Variants in UXS1 observed in about 807,000 individuals in gnomAD.
UXS1 encodes UDP-glucuronate decarboxylase 1.
In UXS1, 33 loss-of-function variants were observed where a neutral mutation model predicts 62.6. The ratio of observed to expected loss-of-function variants is 0.53; its 90% confidence interval spans 0.40 to 0.70. The LOEUF is 0.70. Ranked by LOEUF, UXS1 falls within the 30% of genes least tolerant of loss-of-function variation. The pLI is 0.00. For synonymous variants in UXS1, 213 were observed against 206.8 expected, an observed-to-expected ratio of 1.03 and a Z score of -0.26; for missense variants, 434 against 556.3, an observed-to-expected ratio of 0.78 and a Z score of 2.21.
At chr2:106,106,222 G>A (rs1245532090) in intron 10 of UXS1, among the ~76,000 whole-genome samples, 2 of 152,074 alleles carry the variant, frequency 1.3e-5, no homozygotes, top group Non-Finnish European at 2.9e-5. Context: ...AAATTAGCTG[G>A]GTGTGGTGGT....
chr2:106,164,579 G>T (rs540428898), intron 3 of UXS1, among the ~76,000 whole-genome samples, 157 bp downstream of exon 3: 15 of 152,286 alleles, frequency 9.8e-5, no homozygotes, highest in African/African-American at 3.4e-4. Flanking sequence ...GTAACAGACT[G>T]CATGTCCTCT....
chr2:106,147,567 A>G (rs1681673331), intron 5 of UXS1, among the ~76,000 whole-genome samples: 1 of 152,118 alleles, frequency 6.6e-6, no homozygotes, highest in African/African-American at 2.4e-5. Flanking sequence ...TGTGTGACAG[A>G]GAGAGACCCT....
chr2:106,099,545 C>T (rs1191106205), intron 12 of UXS1, among the ~76,000 whole-genome samples: 3 of 152,236 alleles, frequency 2.0e-5, no homozygotes, highest in East Asian at 1.9e-4. Context: ...AGTGGAGTGA[C>T]GGAAATTTGC....
intron 1 of UXS1, among the ~76,000 whole-genome samples, chr2:106,166,744 C>T (rs1217110322): frequency 6.9e-6 from 1 of 144,202 alleles, no homozygotes; most frequent in Non-Finnish European, 1.5e-5. Flanking sequence ...CCTTTATTAC[C>T]CAGTCTGGTC....
Position 106,096,720 on chromosome 2 carries a change from CG to C in UXS1, c.1143del (p.Val382TrpfsTer8), listed in dbSNP as rs770954585. On this transcript the variant is annotated frameshift_variant, in exon 14 of 15. Coordinates refer to ENST00000283148, the MANE Select transcript of UXS1 (RefSeq NM_001253875.2). LOFTEE classifies it high-confidence loss of function. ...KKAKLMLGWE[P>X]VVPLEEGLNK... The stretch of plus-strand genomic sequence containing the variant: ...CAGCATTAACTCCCTGCACTTACCA[CG>C]GGCTCCCACCCCAGCATCAGCTTTG... 1.3e-6 allele frequency: 2 copies of C among 1,566,878 alleles called. No individual in the cohort carries two copies. The highest frequency in any genetic ancestry group is 3.7e-5 in the Admixed American group (2 of 53,466).
In UXS1 at chr2:106,104,840, G is replaced by A. The variant is rs765869092; in HGVS notation, c.880-3C>T. Reference sequence around the variant, plus strand: ...GTCTGAGACCCGGATCCGTATACCTGGAAGGAAACCAACAGTTAGGCCTCC... The same window carrying A: ...GTCTGAGACCCGGATCCGTATACCTAGAAGGAAACCAACAGTTAGGCCTCC... On this transcript the variant is annotated splice_polypyrimidine_tract_variant and splice_region_variant and intron_variant, in intron 10 of 14. Transcript: ENST00000283148. 1 of 1,613,932 alleles carries A rather than the reference G, an allele frequency of 6.2e-7. No homozygotes were observed. Among genetic ancestry groups the A allele is most frequent in the East Asian group, 2.2e-5 (1 of 44,878 alleles).
At chr2:106,102,534 G>A (rs1677679058) in intron 11 of UXS1, 1 of 152,134 alleles carries the variant, frequency 6.6e-6, no homozygotes, top group Non-Finnish European at 1.5e-5. Flanking sequence ...TTGACAAAGT[G>A]ACTTTTAAAA....
intron 6 of UXS1, among the ~76,000 whole-genome samples, chr2:106,130,137 T>G (rs992305477): frequency 3.9e-5 from 6 of 152,166 alleles, no homozygotes; most frequent in Non-Finnish European, 7.4e-5. Context: ...ATTTTTTTTT[T>G]TTTTAGTTTG....
intron 14 of UXS1, among the ~76,000 whole-genome samples, chr2:106,096,194 G>A (rs935775361): frequency 5.3e-5 from 8 of 152,138 alleles, no homozygotes; most frequent in African/African-American, 1.7e-4. Context: ...GTGTGTGTGT[G>A]TGTGTGTGTG....
At chr2:106,147,423 C>T (rs1001270327) in intron 5 of UXS1, among the ~76,000 whole-genome samples, 4 of 152,194 alleles carry the variant, frequency 2.6e-5, no homozygotes, top group Non-Finnish European at 4.4e-5. Flanking sequence ...CTTGTCATAA[C>T]TTAGATTCCT....
rs546764865 is a variant in UXS1 at position 106,166,283 on chromosome 2, T to G, written c.95-200A>C. 1.6e-4 allele frequency: 85 copies of G among 538,138 alleles called. 2 individuals are homozygous for G. In the East Asian group the frequency reaches 2.7e-3, roughly 17 times the overall value. The allele number at this position is 538,138 out of a possible 1,614,324, so 33.3% of individuals were successfully genotyped here. On this transcript the variant is annotated intron_variant, in intron 1 of 14. Coordinates refer to ENST00000283148, the MANE Select transcript of UXS1 (RefSeq NM_001253875.2). Reference sequence around the variant, plus strand: ...GTAAAAACAGGATCGTAGAGTTTATTCAGGCCAAGTTTGAGAACTGCAACC... The same window carrying G: ...GTAAAAACAGGATCGTAGAGTTTATGCAGGCCAAGTTTGAGAACTGCAACC...
intron 6 of UXS1, among the ~76,000 whole-genome samples, chr2:106,130,130 T>A (rs995362263): frequency 6.6e-5 from 10 of 152,000 alleles, no homozygotes; most frequent in African/African-American, 2.4e-4. Context: ...ATCATGAATT[T>A]TTTTTTTTTT....
intron 10 of UXS1, 24 bp downstream of exon 10, chr2:106,112,622 C>A (rs1316028438): frequency 5.0e-6 from 8 of 1,612,508 alleles, no homozygotes; most frequent in South Asian, 2.2e-5. Flanking sequence ...GCAAGGTGCT[C>A]CCTGAGCCGA....
At chr2:106,138,076 A>C in intron 6 of UXS1, 1 of 662,114 alleles carries the variant, frequency 1.5e-6, no homozygotes, top group Non-Finnish European at 1.9e-6. Context: ...GCAGGGAAAG[A>C]CAGGAAACTG....
chr2:106,107,058 A>T (rs1230533653), intron 10 of UXS1, among the ~76,000 whole-genome samples: 1 of 152,002 alleles, frequency 6.6e-6, no homozygotes, highest in Non-Finnish European at 1.5e-5. Context: ...TGTAGTGAGT[A>T]TCGGATTTAG....
chr2:106,149,974 A>C (rs1270514266), intron 5 of UXS1, among the ~76,000 whole-genome samples: 1 of 152,226 alleles, frequency 6.6e-6, no homozygotes, highest in Non-Finnish European at 1.5e-5. Flanking sequence ...ATGAGGTCTC[A>C]GATGGAAATG....
Position 106,194,068 on chromosome 2 carries a change from C to T in UXS1, c.94+80G>A, listed in dbSNP as rs916667327. 1.0e-4 allele frequency: 123 copies of T among 1,224,076 alleles called. No homozygotes were observed. In the East Asian group the frequency reaches 1.0e-3, roughly 10 times the overall value. 75.8% of individuals were successfully genotyped at this position (1,224,076 alleles called of 1,614,324 possible). On this transcript the variant is annotated intron_variant, in intron 1 of 14. Coordinates refer to ENST00000283148, the MANE Select transcript of UXS1 (RefSeq NM_001253875.2). ...GCGGGGCTGCAGGGCCGCCTCGGGG[C>T]CCCGAACCACCGCCGCCCGGCCCAC... is the stretch of plus-strand genomic sequence containing the variant.
At chr2:106,141,616 C>G (rs1276557423) in intron 6 of UXS1, among the ~76,000 whole-genome samples, 3 of 151,932 alleles carry the variant, frequency 2.0e-5, no homozygotes, top group African/African-American at 7.3e-5. Flanking sequence ...TGCCACCATG[C>G]CTGGGTAATT....
At chr2:106,158,322 A>G (rs1335640477) in intron 4 of UXS1, among the ~76,000 whole-genome samples, 1 of 152,200 alleles carries the variant, frequency 6.6e-6, no homozygotes, top group Non-Finnish European at 1.5e-5. Flanking sequence ...GTTTAGAATC[A>G]AGCTAAAGAC....
Sources: gnomAD v4.1 joint callset for allele counts (sites outside exome capture counted in the v4.1 genomes callset) on GRCh38, gnomAD v4.1.1 for gene constraint, MANE v1.5 for transcripts, NCBI Gene and HGNC (gene_info 2026-07-23, HGNC 2026-07-21) for gene names.